The following CA10 variants were observed in gnomAD, a reference collection of about 807,000 sequenced individuals.
The protein encoded by CA10 is carbonic anhydrase-related protein 10.
CA10 carries 14 observed loss-of-function variants against 44.2 expected under a neutral mutation model. That is an observed-to-expected ratio of 0.32 (90% CI 0.21 to 0.50). The LOEUF is 0.50. Among genes scored for constraint, CA10 ranks in the 20% least tolerant of loss-of-function variants. CA10 has a pLI of 0.99. For missense variants in CA10, 350 were observed against 409.7 expected (o/e 0.85, Z 1.26); for synonymous variants, 159 against 141.6 (o/e 1.12, Z -0.87).
intron 2 of CA10, among the ~76,000 whole-genome samples, chr17:51,993,355 A>C (rs1985111580): frequency 6.6e-6 from 1 of 152,162 alleles, no homozygotes; most frequent in Non-Finnish European, 1.5e-5. Flanking sequence ...TGTCTCTGAC[A>C]CTGAATGTTA....
Position 52,012,841 on chromosome 17 carries a change from C to A in CA10, c.136+59478G>T, listed in dbSNP as rs184756066. 2.0e-5 allele frequency among the ~76,000 whole-genome samples: 3 copies of A among 151,922 alleles called. No individual in the cohort carries two copies. In the South Asian group the frequency reaches 6.2e-4, roughly 32 times the overall value. ...GTGTTAATTATAAAAAAAAAAATGT[C>A]CTATTTTAAAGTTAGGTGGCTGTTA... On this transcript the variant is annotated intron_variant, in intron 2 of 8. Coordinates refer to ENST00000451037, the MANE Select transcript of CA10 (RefSeq NM_020178.5).
intron 2 of CA10, among the ~76,000 whole-genome samples, chr17:51,933,577 T>G (rs908862333): frequency 1.2e-4 from 19 of 152,114 alleles, no homozygotes; most frequent in African/African-American, 4.6e-4. Context: ...GATAATAAAT[T>G]TCTGCTGTTT....
intron 2 of CA10, among the ~76,000 whole-genome samples, chr17:52,045,651 A>C (rs184792591): frequency 3.6e-4 from 55 of 152,128 alleles, no homozygotes; most frequent in Non-Finnish European, 4.4e-5. Context: ...GCAAATCCAC[A>C]AGGATAATTG....
At chr17:51,926,744 A>AG (rs1417209876) in intron 3 of CA10, among the ~76,000 whole-genome samples, 3 of 152,158 alleles carry the variant, frequency 2.0e-5, no homozygotes, top group African/African-American at 7.2e-5. Context: ...TATGGTTACA[A>AG]GGGGTTTGCC....
chr17:51,914,305 A>T (rs1014629495), intron 3 of CA10, among the ~76,000 whole-genome samples: 1 of 152,140 alleles, frequency 6.6e-6, no homozygotes, highest in Admixed American at 6.6e-5. Context: ...AAGCATACAT[A>T]TCGTGACCTA....
intron 2 of CA10, among the ~76,000 whole-genome samples, chr17:52,030,745 T>A (rs1986441668): frequency 6.6e-6 from 1 of 152,204 alleles, no homozygotes; most frequent in South Asian, 2.1e-4. Context: ...TGTGTCAATC[T>A]ATCTGCTGAA....
rs569752354 is a variant in CA10, at chr17:51,688,255, C to T, written c.466-34519G>A. Among the ~76,000 whole-genome samples, 10 of 152,314 alleles carry T rather than the reference C, an allele frequency of 6.6e-5. No individual in the cohort carries two copies. In the South Asian group the frequency reaches 1.0e-3, roughly 16 times the overall value. ...TGGGTGACATCAGACTACAACCTCT[C>T]GGAAGACCCCTAGCCAGAACTACCC... is the stretch of plus-strand genomic sequence containing the variant. On this transcript the variant is annotated intron_variant, in intron 4 of 8. Transcript: ENST00000451037.
At chr17:51,641,933 A>G (rs1265549867) in intron 6 of CA10, among the ~76,000 whole-genome samples, 1 of 152,160 alleles carries the variant, frequency 6.6e-6, no homozygotes, top group Non-Finnish European at 1.5e-5. Context: ...AGAACAAGGC[A>G]CGGTAGTTTC....
Position 52,130,786 on chromosome 17 carries a change from C to T in CA10, c.61+26940G>A, listed in dbSNP as rs77925299. On this transcript the variant is annotated intron_variant, in intron 1 of 8. Transcript: ENST00000451037. The stretch of plus-strand genomic sequence containing the variant: ...TATCATAGTTCACTAAAGCCTCAGA[C>T]TCTTGGGCTCAAGTGATCCTTCCAC... 2.0e-3 allele frequency among the ~76,000 whole-genome samples: 299 copies of T among 152,140 alleles called. 4 individuals are homozygous for T. The East Asian group carries it at 0.052, about 26-fold the overall frequency.
chr17:51,833,424 T>C (rs1908356900), intron 3 of CA10, among the ~76,000 whole-genome samples: 2 of 152,252 alleles, frequency 1.3e-5, no homozygotes, highest in South Asian at 4.1e-4. Context: ...TCCCAACTTC[T>C]AGCCAGCTGA....
chr17:52,088,345 A>G (rs1287406085), intron 1 of CA10, among the ~76,000 whole-genome samples: 1 of 152,228 alleles, frequency 6.6e-6, no homozygotes, highest in Non-Finnish European at 1.5e-5. Flanking sequence ...GTTTTTAAAT[A>G]TCACATGCAG....
intron 4 of CA10, among the ~76,000 whole-genome samples, chr17:51,706,150 T>C (rs1057369408): frequency 6.6e-6 from 1 of 152,176 alleles, no homozygotes; most frequent in East Asian, 1.9e-4. Flanking sequence ...ATGTTTACCA[T>C]TGGGCTGTTG....
chr17:51,723,135 G>C (rs1475400275), intron 4 of CA10, among the ~76,000 whole-genome samples: 1 of 152,158 alleles, frequency 6.6e-6, no homozygotes, highest in Non-Finnish European at 1.5e-5. Flanking sequence ...TCCCATGTGT[G>C]GGACTGGACC....
chr17:51,872,997 T>G (rs1979886090), intron 3 of CA10, among the ~76,000 whole-genome samples: 1 of 152,204 alleles, frequency 6.6e-6, no homozygotes, highest in African/African-American at 2.4e-5. Flanking sequence ...ACAATGGTGC[T>G]GATCAAACAC....
chr17:52,078,930 CAT>C (rs1372097670), intron 1 of CA10, among the ~76,000 whole-genome samples: 1 of 152,158 alleles, frequency 6.6e-6, no homozygotes, highest in Non-Finnish European at 1.5e-5. Context: ...TATCTGTTTC[CAT>C]ATCATTCATT....
intron 2 of CA10, among the ~76,000 whole-genome samples, chr17:52,001,236 C>G (rs1404437348): frequency 6.6e-6 from 1 of 151,950 alleles, no homozygotes; most frequent in Non-Finnish European, 1.5e-5. Context: ...GCAGAATATG[C>G]AACAGAGGCC....
chr17:51,658,805 C>T (rs1913895142), intron 4 of CA10, among the ~76,000 whole-genome samples: 1 of 152,156 alleles, frequency 6.6e-6, no homozygotes, highest in South Asian at 2.1e-4. Flanking sequence ...GGAAGCCTTG[C>T]CTACCCTTCT....
At chr17:52,056,248 G>T (rs1598190752) in intron 2 of CA10, among the ~76,000 whole-genome samples, 2 of 152,100 alleles carry the variant, frequency 1.3e-5, no homozygotes, top group Non-Finnish European at 2.9e-5. Flanking sequence ...GGCGACAAGG[G>T]CATTTGGCAG....
chr17:52,104,251 G>T (rs536272495), intron 1 of CA10, among the ~76,000 whole-genome samples: 1 of 150,346 alleles, frequency 6.7e-6, no homozygotes, highest in Non-Finnish European at 1.5e-5. Context: ...AGGCTGAAGT[G>T]CAGTGGCACA....
Sources: gnomAD v4.1 joint callset for allele counts (sites outside exome capture counted in the v4.1 genomes callset) on GRCh38, gnomAD v4.1.1 for gene constraint, MANE v1.5 for transcripts, NCBI Gene and HGNC (gene_info 2026-07-23, HGNC 2026-07-21) for gene names.